The following TLN2 variants were observed in gnomAD, a reference collection of about 807,000 sequenced individuals.
TLN2 encodes talin 2.
A neutral mutation model predicts 294.7 loss-of-function variants in TLN2; 118 were observed. The ratio of observed to expected loss-of-function variants is 0.40; its 90% CI spans 0.34 to 0.47. TLN2 has a LOEUF of 0.47. TLN2 is among the 20% of genes least tolerant of loss of function. The probability of loss-of-function intolerance (pLI) is 0.84; values close to 1 mark genes in which losing one functional copy is unlikely to be tolerated. For synonymous variants in TLN2, 1,431 were observed against 1,304.5 expected (o/e 1.10, Z -2.09); for missense variants, 3,083 against 3,282.2 (o/e 0.94, Z 1.48).
chr15:62,674,689 A>G (rs1413945840), intron 10 of TLN2, among the ~76,000 whole-genome samples: 3 of 151,428 alleles, frequency 2.0e-5, no homozygotes, highest in South Asian at 2.1e-4. Flanking sequence ...TTCAGTAGAG[A>G]GGGGGTTTCA....
intron 28 of TLN2, among the ~76,000 whole-genome samples, chr15:62,728,345 A>G (rs1054329400): frequency 2.0e-5 from 3 of 152,234 alleles, no homozygotes; most frequent in African/African-American, 4.8e-5. Context: ...ATTATATTAC[A>G]TGAATATAGC....
intron 1 of TLN2, among the ~76,000 whole-genome samples, chr15:62,529,943 G>A (rs553846303): frequency 6.6e-6 from 1 of 152,262 alleles, no homozygotes; most frequent in East Asian, 1.9e-4. Context: ...TGTAATCCCG[G>A]CACTTTGGGA....
intron 1 of TLN2, among the ~76,000 whole-genome samples, chr15:62,582,385 C>T (rs1003715407): frequency 6.6e-6 from 1 of 152,064 alleles, no homozygotes; most frequent in African/African-American, 2.4e-5. Context: ...CTGCTCTGAG[C>T]TGAGGATAAA....
chr15:62,634,567 A>G (rs746822430), intron 3 of TLN2, among the ~76,000 whole-genome samples: 7 of 152,150 alleles, frequency 4.6e-5, no homozygotes, highest in Non-Finnish European at 1.0e-4. Context: ...TATGCTTTTG[A>G]TGAAGTAATA....
chr15:62,523,915 C>G (rs1008921401), intron 1 of TLN2, among the ~76,000 whole-genome samples: 1 of 152,178 alleles, frequency 6.6e-6, no homozygotes, highest in African/African-American at 2.4e-5. Context: ...TTGAACATAC[C>G]GATCCCAGCT....
At chr15:62,629,561 C>G (rs1354481868) in intron 3 of TLN2, among the ~76,000 whole-genome samples, 3 of 152,112 alleles carry the variant, frequency 2.0e-5, no homozygotes, top group Non-Finnish European at 4.4e-5. Flanking sequence ...GCTTTTCCCC[C>G]AAATGAGGTA....
intron 3 of TLN2, among the ~76,000 whole-genome samples, chr15:62,627,734 A>G (rs1198197224): frequency 6.6e-6 from 1 of 152,196 alleles, no homozygotes; most frequent in Non-Finnish European, 1.5e-5. Flanking sequence ...AGGATCAAGT[A>G]TGTTAATTTT....
intron 1 of TLN2, among the ~76,000 whole-genome samples, chr15:62,444,310 T>C (rs1455080125): frequency 2.6e-5 from 4 of 152,256 alleles, no homozygotes; most frequent in Admixed American, 1.3e-4. Flanking sequence ...ACAAATCCCA[T>C]GTGGACCATA....
chr15:62,556,255 C>T (rs2042599083), intron 1 of TLN2, among the ~76,000 whole-genome samples: 1 of 149,904 alleles, frequency 6.7e-6, no homozygotes, highest in Non-Finnish European at 1.5e-5. Context: ...TTCCTATTTG[C>T]TATTATGAGT....
intron 42 of TLN2, among the ~76,000 whole-genome samples, chr15:62,771,427 T>A (rs2063344988): frequency 6.6e-6 from 1 of 152,212 alleles, no homozygotes; most frequent in Non-Finnish European, 1.5e-5. Context: ...GCTTGCTGGG[T>A]CCCTGCTCAG....
At chr15:62,514,428 C>T (rs367758615) in intron 1 of TLN2, among the ~76,000 whole-genome samples, 46 of 152,168 alleles carry the variant, frequency 3.0e-4, no homozygotes, top group African/African-American at 9.9e-4. Context: ...AGTTTTAATA[C>T]GGTGCTTTTT....
chr15:62,443,370 TAAC>T (rs2140308530), intron 1 of TLN2, among the ~76,000 whole-genome samples: 1 of 152,388 alleles, frequency 6.6e-6, no homozygotes, highest in Non-Finnish European at 1.5e-5. Context: ...TTATCACCAT[TAAC>T]AATTTCTGTT....
intron 1 of TLN2, among the ~76,000 whole-genome samples, chr15:62,430,186 G>A (rs2034941134): frequency 6.6e-6 from 1 of 152,170 alleles, no homozygotes; most frequent in African/African-American, 2.4e-5. Context: ...GCATTTATTG[G>A]TGTTTCAGAG....
At chr15:62,421,784 A>T (rs538781707) in intron 1 of TLN2, among the ~76,000 whole-genome samples, 1 of 152,248 alleles carries the variant, frequency 6.6e-6, no homozygotes, top group African/African-American at 2.4e-5. Context: ...TTACCTGTAT[A>T]ACAAATTTGC....
rs756526419 is a variant in TLN2 at position 62,755,642 on chromosome 15, G to A, written c.4587G>A (p.Gln1529=). 12 of 1,614,156 alleles carry A rather than the reference G, an allele frequency of 7.4e-6. No individual in the cohort carries two copies. In the Middle Eastern group the frequency reaches 8.2e-4, roughly 111 times the overall value. Reference sequence around the variant, plus strand: ...CAGTAGCCAAGAGGCACTTCGTCCAGTCAGCCAAGGAAGTCGCCAACAGCA... The same window carrying A: ...CAGTAGCCAAGAGGCACTTCGTCCAATCAGCCAAGGAAGTCGCCAACAGCA... ...ANPVAKRHFV[Q]SAKEVANSTA... Residue 1529 remains glutamine, a synonymous_variant, in exon 37 of 59, where the codon CAG becomes CAA. Transcript: ENST00000636159.
intron 52 of TLN2, among the ~76,000 whole-genome samples, chr15:62,815,218 C>G (rs1449018318): frequency 1.3e-5 from 2 of 151,508 alleles, no homozygotes; most frequent in East Asian, 3.9e-4. Context: ...CACACACACA[C>G]ACACACACAC....
At chr15:62,708,395 G>A (rs957888377) in intron 20 of TLN2, 107 bp from the exon 21 acceptor site, 1 of 1,196,160 alleles carries the variant, frequency 8.4e-7, no homozygotes. Flanking sequence ...CTGTAAGTAA[G>A]AAACCGAGGC....
chr15:62,763,916 C>T (rs1456400186), intron 40 of TLN2, among the ~76,000 whole-genome samples: 1 of 151,980 alleles, frequency 6.6e-6, no homozygotes, highest in Non-Finnish European at 1.5e-5. Flanking sequence ...AATACAGGTA[C>T]TGGGGTGGAA....
intron 1 of TLN2, among the ~76,000 whole-genome samples, chr15:62,458,007 G>A (rs898822697): frequency 6.6e-5 from 10 of 152,234 alleles, no homozygotes; most frequent in Non-Finnish European, 1.0e-4. Flanking sequence ...ATGTTTTTCA[G>A]TTGACAACGA....
Sources: allele counts gnomAD v4.1 joint callset (sites outside exome capture counted in the v4.1 genomes callset), GRCh38; gene constraint gnomAD v4.1.1; transcripts MANE v1.5; gene names NCBI Gene and HGNC (gene_info 2026-07-23, HGNC 2026-07-21).